NRG3: variants seen among roughly 807,000 people sequenced by gnomAD.
NRG3 encodes the protein neuregulin 3.
A neutral mutation model predicts 66.9 loss-of-function variants in NRG3; 31 were observed. The observed-to-expected ratio is 0.46, with a 90% CI of 0.35 to 0.63. NRG3 has a LOEUF of 0.63. Ranked by LOEUF, NRG3 falls within the 20% of genes least tolerant of loss-of-function variation. NRG3 has a pLI of 0.00. For synonymous variants in NRG3, 393 were observed against 359.4 expected (o/e 1.09, Z -1.06); for missense variants, 910 against 878.9 (o/e 1.04, Z -0.45).
chr10:82,049,615 T>A (rs550532761), intron 1 of NRG3, among the ~76,000 whole-genome samples: 1 of 152,116 alleles, frequency 6.6e-6, no homozygotes, highest in Non-Finnish European at 1.5e-5. Context: ...TGGATTTTTA[T>A]GTGAGATTTT....
At chr10:82,371,161 C>A (rs1255465507) in intron 2 of NRG3, among the ~76,000 whole-genome samples, 1 of 151,994 alleles carries the variant, frequency 6.6e-6, no homozygotes, top group African/African-American at 2.4e-5. Flanking sequence ...CCATACTGGG[C>A]AGTGAAGCTC....
intron 1 of NRG3, among the ~76,000 whole-genome samples, chr10:82,035,312 G>A (rs1026917033): frequency 6.6e-6 from 1 of 152,098 alleles, no homozygotes; most frequent in Non-Finnish European, 1.5e-5. Context: ...TTAACTCCCT[G>A]TGGTCTGAAG....
intron 1 of NRG3, among the ~76,000 whole-genome samples, chr10:82,093,726 C>T (rs1307350324): frequency 6.6e-6 from 1 of 152,132 alleles, no homozygotes; most frequent in African/African-American, 2.4e-5. Flanking sequence ...AAGCTTTAGG[C>T]TTTATATTTC....
intron 3 of NRG3, among the ~76,000 whole-genome samples, chr10:82,853,714 G>T (rs536191692): frequency 6.6e-6 from 1 of 152,194 alleles, no homozygotes; most frequent in East Asian, 1.9e-4. Context: ...CATTTTTAGG[G>T]TTTTCTAGGT....
intron 1 of NRG3, among the ~76,000 whole-genome samples, chr10:82,333,622 G>A (rs1265781448): frequency 1.3e-5 from 2 of 152,130 alleles, no homozygotes; most frequent in Non-Finnish European, 2.9e-5. Flanking sequence ...TCATTGATGG[G>A]ATTGTTTTAA....
At chr10:82,453,284 C>G (rs192202845) in intron 2 of NRG3, among the ~76,000 whole-genome samples, 1 of 152,180 alleles carries the variant, frequency 6.6e-6, no homozygotes, top group Non-Finnish European at 1.5e-5. Context: ...CGCTCAGGAG[C>G]TAGGCCGTAT....
chr10:81,946,898 G>A (rs537303147), intron 1 of NRG3, among the ~76,000 whole-genome samples: 3 of 152,032 alleles, frequency 2.0e-5, no homozygotes, highest in Non-Finnish European at 2.9e-5. Flanking sequence ...GCTTAGTATC[G>A]CCATCTTCCA....
At chr10:82,698,402 A>C (rs1372235182) in intron 2 of NRG3, among the ~76,000 whole-genome samples, 1 of 151,796 alleles carries the variant, frequency 6.6e-6, no homozygotes, top group African/African-American at 2.4e-5. Context: ...TTAACAGGGG[A>C]AAAAGTCTAC....
chr10:82,853,141 T>A (rs183475865), intron 3 of NRG3, among the ~76,000 whole-genome samples: 10 of 152,296 alleles, frequency 6.6e-5, no homozygotes, highest in Admixed American at 5.9e-4. Context: ...AGTGTGTGTA[T>A]GTGTGTATTT....
chr10:82,402,991 G>A (rs1167185843), intron 2 of NRG3, among the ~76,000 whole-genome samples: 2 of 152,140 alleles, frequency 1.3e-5, no homozygotes, highest in Non-Finnish European at 2.9e-5. Context: ...GTTCATAGCT[G>A]TTGTAATTTA....
At chr10:82,304,983 C>CTTTTTT (rs760661674) in intron 1 of NRG3, among the ~76,000 whole-genome samples, 2 of 73,866 alleles carry the variant, frequency 2.7e-5, no homozygotes, top group Non-Finnish European at 2.4e-5. Context: ...TCAGATTCCT[C>CTTTTTT]TTTTTTTTTT....
intron 2 of NRG3, among the ~76,000 whole-genome samples, chr10:82,596,027 A>G (rs1293876459): frequency 1.3e-5 from 2 of 152,200 alleles, no homozygotes; most frequent in Non-Finnish European, 2.9e-5. Flanking sequence ...AAATAAACCT[A>G]TGAGTGAATT....
At chr10:82,704,442 C>T (rs1302059327) in intron 2 of NRG3, among the ~76,000 whole-genome samples, 4 of 152,254 alleles carry the variant, frequency 2.6e-5, no homozygotes, top group Non-Finnish European at 4.4e-5. Context: ...CTTCATCTTG[C>T]CCACAAGGAT....
intron 3 of NRG3, among the ~76,000 whole-genome samples, chr10:82,757,831 T>A (rs563845782): frequency 7.9e-5 from 12 of 152,218 alleles, no homozygotes; most frequent in East Asian, 5.8e-4. Flanking sequence ...AATTTTTTTT[T>A]AAATTTCTTA....
Position 82,585,952 on chromosome 10 carries a change from A to G in NRG3, c.954-152625A>G, listed in dbSNP as rs112601465. ...TACTTAAAAACTGCGTTAATATTCA[A>G]TAGCTTAAATCTGAATTGTAATTAC... On this transcript the variant is annotated intron_variant, in intron 2 of 8. Coordinates refer to ENST00000372141, the MANE Select transcript of NRG3 (RefSeq NM_001010848.4). Among the ~76,000 whole-genome samples the G allele has an allele frequency of 3.0e-4, 46 of 152,332 alleles. 2 individuals carry two copies. In the East Asian group the frequency reaches 8.1e-3, roughly 27 times the overall value.
At position 82,232,777 on chromosome 10, in the gene NRG3, A is replaced by G. The variant is rs1410637340; in HGVS notation, c.824-125962A>G. 1.3e-5 allele frequency: 9 copies of G among 717,224 alleles called. No individual in the cohort carries two copies. In the Admixed American group the frequency reaches 1.4e-4, roughly 11 times the overall value. 44.4% of individuals were successfully genotyped at this position (717,224 alleles called of 1,614,324 possible). A position where few individuals can be genotyped will look rare whatever the true frequency, so the allele number is the denominator to read the frequency against. On this transcript the variant is annotated intron_variant, in intron 1 of 8. Coordinates refer to ENST00000372141, the MANE Select transcript of NRG3 (RefSeq NM_001010848.4). ...CAGGAGGCATGCCATACATGGCAAC[A>G]TGGGGAAGACCAGAGTGGTCAGGAG...
chr10:82,533,504 A>G (rs1243537445), intron 2 of NRG3, among the ~76,000 whole-genome samples: 1 of 135,382 alleles, frequency 7.4e-6, no homozygotes, highest in Non-Finnish European at 1.5e-5. Context: ...CTTCTTTTGC[A>G]TGGGAATTAT....
intron 2 of NRG3, among the ~76,000 whole-genome samples, chr10:82,568,906 T>C (rs183093839): frequency 2.0e-5 from 3 of 151,842 alleles, no homozygotes; most frequent in African/African-American, 7.2e-5. Flanking sequence ...GCATTGTTTT[T>C]CTCTACATCA....
chr10:82,499,460 C>T (rs934232756), intron 2 of NRG3, among the ~76,000 whole-genome samples: 3 of 152,054 alleles, frequency 2.0e-5, no homozygotes, highest in Non-Finnish European at 4.4e-5. Flanking sequence ...ATGTTCTTGA[C>T]CTTGCCTTGC....
Sources: gnomAD v4.1 joint callset for allele counts (sites outside exome capture counted in the v4.1 genomes callset) on GRCh38, gnomAD v4.1.1 for gene constraint, MANE v1.5 for transcripts, NCBI Gene and HGNC (gene_info 2026-07-23, HGNC 2026-07-21) for gene names.